The following ANKS1B variants were observed in gnomAD, a reference collection of about 807,000 sequenced individuals.
The protein encoded by ANKS1B is ankyrin repeat and sterile alpha motif domain containing 1B, also known as ankyrin repeat and sterile alpha motif domain-containing protein 1B.
A neutral mutation model predicts 148.3 loss-of-function variants in ANKS1B; 36 were observed. The observed-to-expected ratio is 0.24, with a 90% confidence interval of 0.19 to 0.32. The LOEUF (loss-of-function observed/expected upper bound fraction) is 0.32. Ranked by LOEUF, ANKS1B falls within the 10% of genes least tolerant of loss-of-function variation. The probability of loss-of-function intolerance (pLI) is 1.00; values close to 1 mark genes in which losing one functional copy is unlikely to be tolerated. For synonymous variants in ANKS1B, 542 were observed against 560.8 expected, an observed-to-expected ratio of 0.97 and a Z score of 0.47; for missense variants, 1,157 against 1,542.6, an observed-to-expected ratio of 0.75 and a Z score of 4.19.
At chr12:99,081,509 C>T (rs1183614920) in intron 16 of ANKS1B, among the ~76,000 whole-genome samples, 2 of 152,148 alleles carry the variant, frequency 1.3e-5, no homozygotes, top group East Asian at 1.9e-4. Context: ...ATCTGAAGAT[C>T]GGGCTCATTA....
intron 17 of ANKS1B, among the ~76,000 whole-genome samples, chr12:99,041,327 C>A (rs1285148007): frequency 6.6e-6 from 1 of 152,100 alleles, no homozygotes; most frequent in East Asian, 1.9e-4. Flanking sequence ...AATATTTGAG[C>A]AAGGCACGAA....
At chr12:99,969,319 T>C (rs188589065) in intron 1 of ANKS1B, among the ~76,000 whole-genome samples, 2 of 152,196 alleles carry the variant, frequency 1.3e-5, no homozygotes, top group Admixed American at 1.3e-4. Flanking sequence ...GCTAGGACTA[T>C]AGGTATGCGC....
intron 17 of ANKS1B, among the ~76,000 whole-genome samples, chr12:99,032,139 T>C (rs2099952614): frequency 2.0e-5 from 3 of 152,170 alleles, no homozygotes; most frequent in Admixed American, 2.0e-4. Flanking sequence ...TGACTTACAG[T>C]TGACTGAGGA....
At chr12:99,226,651 T>C (rs893691468) in intron 14 of ANKS1B, among the ~76,000 whole-genome samples, 2 of 152,208 alleles carry the variant, frequency 1.3e-5, no homozygotes, top group African/African-American at 4.8e-5. Flanking sequence ...GTGAGTATCA[T>C]CTTTGAGAGA....
At chr12:99,341,206 CT>C (rs1196674146) in intron 12 of ANKS1B, 2 of 152,086 alleles carry the variant, frequency 1.3e-5, no homozygotes, top group African/African-American at 2.4e-5. Flanking sequence ...TTGTGGATTA[CT>C]CTTCTATACT....
intron 16 of ANKS1B, among the ~76,000 whole-genome samples, chr12:99,073,187 T>A (rs1054009548): frequency 3.9e-5 from 6 of 152,222 alleles, no homozygotes; most frequent in African/African-American, 1.4e-4. Flanking sequence ...ACATCCATTC[T>A]AAAGGTGAGG....
chr12:99,813,595 C>T (rs1032585336), intron 2 of ANKS1B, among the ~76,000 whole-genome samples: 3 of 151,164 alleles, frequency 2.0e-5, no homozygotes, highest in African/African-American at 7.3e-5. Flanking sequence ...TGATATGATA[C>T]AAAATTATGG....
At chr12:98,788,795 G>A (rs1352485975) in intron 22 of ANKS1B, among the ~76,000 whole-genome samples, 1 of 152,228 alleles carries the variant, frequency 6.6e-6, no homozygotes, top group Non-Finnish European at 1.5e-5. Context: ...CTCTGCTGCT[G>A]TGCATGTAAA....
chr12:99,649,812 T>TCTG (rs2098406298), intron 9 of ANKS1B: 1 of 151,710 alleles, frequency 6.6e-6, no homozygotes, highest in African/African-American at 2.7e-5. Flanking sequence ...ACAGTATCTC[T>TCTG]CTGCTACTCA....
chr12:99,161,131 T>C (rs2153830132), intron 14 of ANKS1B, among the ~76,000 whole-genome samples: 1 of 152,338 alleles, frequency 6.6e-6, no homozygotes, highest in South Asian at 2.1e-4. Context: ...AGTATGGCCA[T>C]TTTAACCATA....
In ANKS1B at chr12:99,185,173, A is replaced by T. The variant is rs142048985; in HGVS notation, c.2420-30778T>A. Among the ~76,000 whole-genome samples, 250 of 152,344 alleles carry T rather than the reference A, an allele frequency of 1.6e-3. 1 individual carries two copies. The highest frequency in any genetic ancestry group is 3.9e-3 in the South Asian group (19 of 4,826). On this transcript the variant is annotated intron_variant, in intron 14 of 26. Coordinates refer to ENST00000683438, the MANE Select transcript of ANKS1B (RefSeq NM_001352186.2). ...AGAATGTGAGTTTAAAAAGTATCAG[A>T]TCATTGACTGATTCTTCAGAAGGAT...
intron 17 of ANKS1B, among the ~76,000 whole-genome samples, chr12:99,031,942 G>A (rs2099952474): frequency 6.6e-6 from 1 of 152,116 alleles, no homozygotes; most frequent in African/African-American, 2.4e-5. Context: ...TGGTTACTTT[G>A]GCCTCAATTA....
intron 14 of ANKS1B, among the ~76,000 whole-genome samples, chr12:99,186,093 G>T (rs1445344513): frequency 6.6e-6 from 1 of 152,128 alleles, no homozygotes; most frequent in Non-Finnish European, 1.5e-5. Context: ...TGAATAGGCG[G>T]TTTTCCCCTC....
chr12:98,915,210 A>G (rs1169887634), intron 17 of ANKS1B, among the ~76,000 whole-genome samples: 1 of 152,150 alleles, frequency 6.6e-6, no homozygotes, highest in Non-Finnish European at 1.5e-5. Flanking sequence ...ATGGCATGTG[A>G]AGAGAAGGAG....
At chr12:99,821,914 C>CT (rs376223852) in intron 2 of ANKS1B, among the ~76,000 whole-genome samples, 1,640 of 151,736 alleles carry the variant, frequency 0.011, 16 homozygotes, top group South Asian at 0.026. Flanking sequence ...ACTTTCCATT[C>CT]TATAAAGGAA....
intron 8 of ANKS1B, among the ~76,000 whole-genome samples, chr12:99,715,232 G>A (rs375365466): frequency 7.9e-5 from 12 of 152,058 alleles, no homozygotes; most frequent in Admixed American, 3.9e-4. Flanking sequence ...TAACCTGCAC[G>A]TACACATCCA....
rs1211617278 is a variant in ANKS1B, at chr12:99,809,350, C to T, written c.373-2650G>A. On this transcript the variant is annotated intron_variant, in intron 3 of 26. Transcript: ENST00000683438. ...AGGCAATGTGTTTTTCAGATAAGGC[C>T]CCTCTGGGTTTTGCCCTAATGTTAA... is the stretch of plus-strand genomic sequence containing the variant. 6.7e-5 allele frequency among the ~76,000 whole-genome samples: 10 copies of T among 150,334 alleles called. No individual in the cohort carries two copies. The South Asian group carries it at 1.1e-3, about 16-fold the overall frequency.
intron 8 of ANKS1B, among the ~76,000 whole-genome samples, chr12:99,677,862 A>G (rs2098588642): frequency 6.6e-6 from 1 of 151,754 alleles, no homozygotes; most frequent in Non-Finnish European, 1.5e-5. Context: ...AGTCCCAGCT[A>G]CTCGGGAGGC....
chr12:99,838,367 T>C (rs1271003438), intron 1 of ANKS1B, among the ~76,000 whole-genome samples: 2 of 152,216 alleles, frequency 1.3e-5, no homozygotes, highest in Non-Finnish European at 2.9e-5. Context: ...TACTAACTTA[T>C]ATTCCCACCA....
Sources: allele counts gnomAD v4.1 joint callset (sites outside exome capture counted in the v4.1 genomes callset), GRCh38; gene constraint gnomAD v4.1.1; transcripts MANE v1.5; gene names NCBI Gene and HGNC (gene_info 2026-07-23, HGNC 2026-07-21).